MAN1C1: variants seen among roughly 807,000 people sequenced by gnomAD.
The protein encoded by MAN1C1 is mannosyl-oligosaccharide 1,2-alpha-mannosidase IC.
Under a neutral mutation model 71.5 loss-of-function variants are expected in MAN1C1, and 49 were observed. The observed-to-expected ratio is 0.69, with a 90% confidence interval of 0.54 to 0.87. MAN1C1 has a LOEUF of 0.87. MAN1C1 is among the 40% of genes least tolerant of loss of function. MAN1C1 has a pLI of 0.00. For missense variants in MAN1C1, 743 were observed against 835.0 expected (o/e 0.89, Z 1.36); for synonymous variants, 352 against 343.7 (o/e 1.02, Z -0.27).
intron 2 of MAN1C1, among the ~76,000 whole-genome samples, chr1:25,694,414 C>T (rs951367719): frequency 4.6e-5 from 7 of 152,138 alleles, no homozygotes; most frequent in Admixed American, 2.0e-4. Flanking sequence ...ATAGAACTGC[C>T]AGCCAAATCC....
intron 2 of MAN1C1, among the ~76,000 whole-genome samples, chr1:25,712,709 C>G (rs2124252533): frequency 6.6e-6 from 1 of 152,308 alleles, no homozygotes; most frequent in South Asian, 2.1e-4. Flanking sequence ...CCCTGATGAT[C>G]TTCCACCCGC....
intron 2 of MAN1C1, among the ~76,000 whole-genome samples, chr1:25,737,823 T>C (rs903542479): frequency 8.5e-5 from 13 of 152,110 alleles, no homozygotes; most frequent in African/African-American, 3.1e-4. Context: ...GAGCCATCTC[T>C]GCAAAGGAAG....
At chr1:25,747,743 C>T (rs1412679821) in intron 3 of MAN1C1, among the ~76,000 whole-genome samples, 2 of 152,144 alleles carry the variant, frequency 1.3e-5, no homozygotes, top group Admixed American at 1.3e-4. Flanking sequence ...GGCTGCCCTG[C>T]GTCTCTTGGA....
chr1:25,710,600 G>A (rs2046600800), intron 2 of MAN1C1, among the ~76,000 whole-genome samples: 1 of 152,166 alleles, frequency 6.6e-6, no homozygotes, highest in African/African-American at 2.4e-5. Flanking sequence ...GGCTACTATG[G>A]TTTGATTTTC....
intron 1 of MAN1C1, among the ~76,000 whole-genome samples, chr1:25,681,885 A>C (rs771180775): frequency 6.6e-6 from 1 of 152,154 alleles, no homozygotes; most frequent in Admixed American, 6.5e-5. Context: ...AGGATTAAAA[A>C]TGATGATCCG....
chr1:25,652,211 G>T (rs1039594296), intron 1 of MAN1C1, among the ~76,000 whole-genome samples: 1 of 152,226 alleles, frequency 6.6e-6, no homozygotes, highest in African/African-American at 2.4e-5. Flanking sequence ...GGCCCTGAAG[G>T]CCTGTGTAGC....
At chr1:25,654,311 C>G (rs2045733284) in intron 1 of MAN1C1, 1 of 152,180 alleles carries the variant, frequency 6.6e-6, no homozygotes, top group Non-Finnish European at 1.5e-5. Flanking sequence ...GTATGTGGTC[C>G]TAGAGGACCC....
chr1:25,699,321 AG>A (rs951254586), intron 2 of MAN1C1, among the ~76,000 whole-genome samples: 2 of 150,742 alleles, frequency 1.3e-5, no homozygotes, highest in African/African-American at 4.9e-5. Flanking sequence ...AAAAAAAAAA[AG>A]AAGAAGAAGA....
At chr1:25,732,273 C>T (rs896131810) in intron 2 of MAN1C1, among the ~76,000 whole-genome samples, 14 of 152,144 alleles carry the variant, frequency 9.2e-5, no homozygotes, top group Non-Finnish European at 1.9e-4. Flanking sequence ...AAGAGTACTT[C>T]CCTGGGACCT....
Position 25,778,870 on chromosome 1 carries a change from T to C in MAN1C1, c.1477+546T>C, listed in dbSNP as rs2047656146. Among the ~76,000 whole-genome samples, 1 of 152,120 alleles carries C rather than the reference T, an allele frequency of 6.6e-6. No homozygotes were observed. On this transcript the variant is annotated intron_variant, in intron 9 of 11. Transcript: ENST00000374332. This position sits in a 1 kb window ranked among gnomAD's most constrained non-coding sequence, Gnocchi z 5.5. Reference sequence around the variant, plus strand: ...GTCCTCCCCACCCACCACTCACCACTGAATTGTCCGATGCTAGAATCAGAG... The same window carrying C: ...GTCCTCCCCACCCACCACTCACCACCGAATTGTCCGATGCTAGAATCAGAG...
At chr1:25,656,820 C>T (rs1011769160) in intron 1 of MAN1C1, among the ~76,000 whole-genome samples, 1 of 148,794 alleles carries the variant, frequency 6.7e-6, no homozygotes, top group African/African-American at 2.4e-5. Context: ...GATAGACCAA[C>T]CTTGCGTCTT....
intron 6 of MAN1C1, among the ~76,000 whole-genome samples, chr1:25,762,127 CTTT>C (rs869136886): frequency 1.4e-4 from 4 of 27,698 alleles, no homozygotes; most frequent in African/African-American, 2.0e-4. Context: ...CTTTTCTTTT[CTTT>C]TTTTTTTTTT....
chr1:25,652,907 C>T (rs993731564), intron 1 of MAN1C1, among the ~76,000 whole-genome samples: 11 of 152,078 alleles, frequency 7.2e-5, no homozygotes, highest in African/African-American at 1.9e-4. Flanking sequence ...AGGCATGCAC[C>T]GCCATGCCTG....
chr1:25,623,191 C>A (rs1004098633), intron 1 of MAN1C1, among the ~76,000 whole-genome samples: 1 of 152,188 alleles, frequency 6.6e-6, no homozygotes, highest in Non-Finnish European at 1.5e-5. Flanking sequence ...CCCAGCCATA[C>A]GCCTCCTCCT....
chr1:25,709,716 C>CTCTATCTA (rs544843466), intron 2 of MAN1C1: 97 of 151,948 alleles, frequency 6.4e-4, no homozygotes, highest in African/African-American at 1.9e-3. Context: ...CAGAAGGAAA[C>CTCTATCTA]TCTATCTATC....
At position 25,662,931 on chromosome 1, in the gene MAN1C1, C is replaced by T. The variant is rs1400413393; in HGVS notation, c.541-23509C>T. Among the ~76,000 whole-genome samples, 6 of 151,858 alleles carry T rather than the reference C, an allele frequency of 4.0e-5. No individual in the cohort carries two copies. The East Asian group carries it at 1.2e-3, about 29-fold the overall frequency. Reference sequence around the variant, plus strand: ...AAAATTAGCTGGGTGTGATGGCAGGCACCTGTAGTCCCAGCTCCTCAGGAG... The same window carrying T: ...AAAATTAGCTGGGTGTGATGGCAGGTACCTGTAGTCCCAGCTCCTCAGGAG... On this transcript the variant is annotated intron_variant, in intron 1 of 11. Coordinates refer to ENST00000374332, the MANE Select transcript of MAN1C1 (RefSeq NM_020379.4).
intron 1 of MAN1C1, among the ~76,000 whole-genome samples, chr1:25,660,758 A>G (rs961898151): frequency 8.6e-5 from 13 of 151,246 alleles, no homozygotes; most frequent in African/African-American, 2.9e-4. Context: ...TGGTGCAGTC[A>G]TGGCTCACTG....
chr1:25,696,914 T>C (rs2046377956), intron 2 of MAN1C1, among the ~76,000 whole-genome samples: 1 of 152,232 alleles, frequency 6.6e-6, no homozygotes, highest in Non-Finnish European at 1.5e-5. Flanking sequence ...CCCACAGTGT[T>C]GGGATTACAG....
intron 2 of MAN1C1, among the ~76,000 whole-genome samples, chr1:25,707,821 T>C (rs1259799170): frequency 1.3e-5 from 2 of 152,118 alleles, no homozygotes; most frequent in Non-Finnish European, 2.9e-5. Flanking sequence ...GAAACAAATA[T>C]TGGGAGTAGA....
Sources: gnomAD v4.1 joint callset for allele counts (sites outside exome capture counted in the v4.1 genomes callset) on GRCh38, gnomAD v4.1.1 for gene constraint, Gnocchi (gnomAD v3.1) non-coding constraint, MANE v1.5 for transcripts, NCBI Gene and HGNC (gene_info 2026-07-23, HGNC 2026-07-21) for gene names.